The following GUCA1C variants were observed in gnomAD, a reference collection of about 807,000 sequenced individuals.
GUCA1C encodes guanylate cyclase activator 1C.
In GUCA1C, 15 loss-of-function variants were observed where a neutral mutation model predicts 16.2. The observed-to-expected ratio is 0.93, with a 90% CI of 0.62 to 1.43. The LOEUF is 1.43. Among genes scored for constraint, GUCA1C ranks in the 40% most tolerant of loss-of-function variants. The pLI, the probability that GUCA1C is intolerant of heterozygous loss-of-function variation, is 0.00. For synonymous variants in GUCA1C, 78 were observed against 85.4 expected, an observed-to-expected ratio of 0.91 and a Z score of 0.48; for missense variants, 275 against 244.8, an observed-to-expected ratio of 1.12 and a Z score of -0.82.
chr3:108,942,323 C>T lies in GUCA1C; in HGVS notation c.204+11236G>A, dbSNP rs116501551. On this transcript the variant is annotated intron_variant, in intron 1 of 3. Coordinates refer to ENST00000261047, the MANE Select transcript of GUCA1C (RefSeq NM_005459.4). ...AGATCCCCAAATGCCTCAACTTCTC[C>T]AGAAAGCCTTTCCTAACTAAGTCCA... Among the ~76,000 whole-genome samples, 759 of 152,270 alleles carry T rather than the reference C, an allele frequency of 5.0e-3. 16 individuals carry two copies. The highest frequency in any genetic ancestry group is 0.018 in the African/African-American group (738 of 41,546).
intron 1 of GUCA1C, among the ~76,000 whole-genome samples, chr3:108,921,259 C>A (rs1946566892): frequency 6.6e-6 from 1 of 152,156 alleles, no homozygotes; most frequent in Non-Finnish European, 1.5e-5. Context: ...TCCTCCATGT[C>A]TTTCCAGGGT....
rs200165076 is a variant in GUCA1C, at chr3:108,908,111, C to T, written c.541G>A (p.Val181Ile). 1.2e-6 allele frequency: 2 copies of T among 1,613,494 alleles called. No individual in the cohort carries two copies. The highest frequency in any genetic ancestry group is 1.7e-6 in the Non-Finnish European group (2 of 1,179,448). ...TCTGGCTGCTTCCCATTACAGATTA[C>T]TCTCAGCACATTGGAGAAGTCGAAG... ...KSFDFSNVLR[V>I]ICNGKQPDME... Residue 181 changes from valine (V) to isoleucine (I), a missense_variant, in exon 4 of 4, where the codon GTA becomes ATA. Coordinates refer to ENST00000261047, the MANE Select transcript of GUCA1C (RefSeq NM_005459.4).
intron 1 of GUCA1C, among the ~76,000 whole-genome samples, chr3:108,932,862 C>T (rs1490212987): frequency 1.6e-5 from 2 of 127,564 alleles, no homozygotes; most frequent in Admixed American, 1.0e-4. Context: ...GCAGAGGTTG[C>T]GGTGAGCCGA....
At chr3:108,934,611 C>T (rs1280394079) in intron 1 of GUCA1C, among the ~76,000 whole-genome samples, 4 of 152,124 alleles carry the variant, frequency 2.6e-5, no homozygotes, top group Non-Finnish European at 5.9e-5. Context: ...GACAAGGAAT[C>T]AACCTAGGTG....
chr3:108,917,037 G>C (rs2593940), intron 2 of GUCA1C, among the ~76,000 whole-genome samples: 1 of 151,950 alleles, frequency 6.6e-6, no homozygotes, highest in Non-Finnish European at 1.5e-5. Context: ...AGTTCCAGGA[G>C]TAATCATAAT....
chr3:108,916,747 G>C (rs143896642), intron 2 of GUCA1C, among the ~76,000 whole-genome samples: 23 of 152,112 alleles, frequency 1.5e-4, no homozygotes, highest in African/African-American at 2.4e-5. Context: ...CCCACATACT[G>C]TCAGGGCCCA....
intron 3 of GUCA1C, among the ~76,000 whole-genome samples, chr3:108,909,514 C>A (rs1253726240): frequency 2.0e-5 from 3 of 152,124 alleles, no homozygotes; most frequent in African/African-American, 7.2e-5. Flanking sequence ...AAATTCCCAA[C>A]CCCAAAGACT....
Position 108,936,339 on chromosome 3 carries a change from C to CA in GUCA1C, c.205-15755dup, listed in dbSNP as rs201470844. On this transcript the variant is annotated intron_variant, in intron 1 of 3. Coordinates refer to ENST00000261047, the MANE Select transcript of GUCA1C (RefSeq NM_005459.4). ...AGTATAAAAGCTACCATTAATTTTT[C>CA]AAAAAAAAAGAAAGAAAAAAGCCTA... 5.9e-3 allele frequency among the ~76,000 whole-genome samples: 882 copies of CA among 148,506 alleles called. 2 individuals carry two copies. The highest frequency in any genetic ancestry group is 0.01 in the Middle Eastern group (3 of 294).
intron 1 of GUCA1C, among the ~76,000 whole-genome samples, chr3:108,943,829 T>C (rs961612464): frequency 6.6e-6 from 1 of 152,156 alleles, no homozygotes; most frequent in Non-Finnish European, 1.5e-5. Flanking sequence ...CTTAAGTCTT[T>C]GCGTCCTCAT....
intron 2 of GUCA1C, among the ~76,000 whole-genome samples, chr3:108,917,584 G>A (rs1413909022): frequency 2.0e-5 from 3 of 152,066 alleles, no homozygotes; most frequent in African/African-American, 7.2e-5. Context: ...GGAGCAGGAG[G>A]ACGCAGGAGA....
chr3:108,930,938 C>T (rs937268827), intron 1 of GUCA1C, among the ~76,000 whole-genome samples: 1 of 152,098 alleles, frequency 6.6e-6, no homozygotes, highest in Admixed American at 6.5e-5. Flanking sequence ...AGGACATGAC[C>T]ATTATTTTTC....
At chr3:108,949,898 C>A (rs1003140666) in intron 1 of GUCA1C, among the ~76,000 whole-genome samples, 1 of 152,196 alleles carries the variant, frequency 6.6e-6, no homozygotes, top group African/African-American at 2.4e-5. Flanking sequence ...GTGGTGAGAA[C>A]ATCCAAGATT....
chr3:108,945,083 C>A (rs1946831085), intron 1 of GUCA1C, among the ~76,000 whole-genome samples: 1 of 152,196 alleles, frequency 6.6e-6, no homozygotes, highest in Non-Finnish European at 1.5e-5. Flanking sequence ...AGGAGCAGAG[C>A]CAGAGTGCAG....
chr3:108,940,581 C>T (rs899934978), intron 1 of GUCA1C, among the ~76,000 whole-genome samples: 1 of 151,976 alleles, frequency 6.6e-6, no homozygotes, highest in Non-Finnish European at 1.5e-5. Flanking sequence ...AAATGTTGCC[C>T]AAAACAGCAC....
chr3:108,953,075 T>C (rs1354268592), intron 1 of GUCA1C, among the ~76,000 whole-genome samples: 2 of 152,192 alleles, frequency 1.3e-5, no homozygotes, highest in Non-Finnish European at 2.9e-5. Flanking sequence ...AAAAGTAATA[T>C]GAAGCAGTTT....
At chr3:108,917,014 A>G (rs1946524914) in intron 2 of GUCA1C, among the ~76,000 whole-genome samples, 1 of 152,248 alleles carries the variant, frequency 6.6e-6, no homozygotes, top group South Asian at 2.1e-4. Flanking sequence ...CTTCTCAAGC[A>G]TTACCAAACT....
At chr3:108,937,577 CTG>C (rs2107306289) in intron 1 of GUCA1C, among the ~76,000 whole-genome samples, 1 of 152,252 alleles carries the variant, frequency 6.6e-6, no homozygotes, top group South Asian at 2.1e-4. Flanking sequence ...GGGAAACAGA[CTG>C]AACTAATAAT....
At chr3:108,931,273 G>T (rs140255597) in intron 1 of GUCA1C, among the ~76,000 whole-genome samples, 5 of 151,744 alleles carry the variant, frequency 3.3e-5, no homozygotes, top group Admixed American at 1.3e-4. Context: ...ATAGAGCAAT[G>T]TTGCCCTTAG....
At chr3:108,943,445 T>C (rs1247244520) in intron 1 of GUCA1C, among the ~76,000 whole-genome samples, 2 of 152,078 alleles carry the variant, frequency 1.3e-5, no homozygotes, top group Admixed American at 6.5e-5. Flanking sequence ...CCTTGGAGTA[T>C]AAAGTAGCTG....
Sources: gnomAD v4.1 joint callset for allele counts (sites outside exome capture counted in the v4.1 genomes callset) on GRCh38, gnomAD v4.1.1 for gene constraint, MANE v1.5 for transcripts, NCBI Gene and HGNC (gene_info 2026-07-23, HGNC 2026-07-21) for gene names.